Variants in CFAP70 observed in about 807,000 individuals in gnomAD.
The protein encoded by CFAP70 is cilia- and flagella-associated protein 70.
In CFAP70, 81 loss-of-function variants were observed where a neutral mutation model predicts 137.6. That is an observed-to-expected ratio of 0.59 (90% CI 0.49 to 0.71). The LOEUF (loss-of-function observed/expected upper bound fraction) is 0.71, where lower values mean the gene tolerates loss of function less well. CFAP70 is among the 30% of genes least tolerant of loss of function. The pLI is 0.00. For missense variants in CFAP70, 976 were observed against 1,226.7 expected, an observed-to-expected ratio of 0.80 and a Z score of 3.05; for synonymous variants, 382 against 423.6, an observed-to-expected ratio of 0.90 and a Z score of 1.20.
At chr10:73,356,433 A>C (rs2054685177) in intron 1 of CFAP70, among the ~76,000 whole-genome samples, 1 of 152,178 alleles carries the variant, frequency 6.6e-6, no homozygotes, top group African/African-American at 2.4e-5. Flanking sequence ...GCTAGGCTCA[A>C]GCAATCCACT....
chr10:73,308,160 G>C (rs777230789), intron 12 of CFAP70, among the ~76,000 whole-genome samples: 6 of 151,418 alleles, frequency 4.0e-5, no homozygotes, highest in Admixed American at 1.3e-4. Flanking sequence ...ATCTAAAAAA[G>C]AAAGAAAGAA....
chr10:73,270,098 C>CA (rs2046122493), intron 24 of CFAP70, among the ~76,000 whole-genome samples: 1 of 152,178 alleles, frequency 6.6e-6, no homozygotes, highest in Admixed American at 6.5e-5. Context: ...AGTGGGCTGT[C>CA]AGATACATTT....
At chr10:73,318,794 T>C (rs1314722879) in intron 9 of CFAP70, among the ~76,000 whole-genome samples, 3 of 152,238 alleles carry the variant, frequency 2.0e-5, no homozygotes, top group Admixed American at 1.3e-4. Context: ...ATAGAAAGGT[T>C]TGGATACATT....
intron 6 of CFAP70, among the ~76,000 whole-genome samples, chr10:73,336,896 C>A (rs1267483865): frequency 6.6e-6 from 1 of 151,898 alleles, no homozygotes; most frequent in Non-Finnish European, 1.5e-5. Context: ...ATTTTCTATG[C>A]CCTTGACAAA....
At chr10:73,263,804 A>G (rs1481075747) in intron 25 of CFAP70, among the ~76,000 whole-genome samples, 1 of 152,180 alleles carries the variant, frequency 6.6e-6, no homozygotes, top group Non-Finnish European at 1.5e-5. Flanking sequence ...TACTCCTTGA[A>G]CTTTTCAACC....
exon 19 of CFAP70, chr10:73,291,390 T>C: frequency 6.2e-7 from 1 of 1,614,200 alleles, no homozygotes; most frequent in East Asian, 2.2e-5. Flanking sequence ...TTTGGAGGCC[T>C]CATGAAATGC....
intron 9 of CFAP70, among the ~76,000 whole-genome samples, chr10:73,322,072 C>A (rs1395493840): frequency 6.6e-6 from 1 of 152,144 alleles, no homozygotes; most frequent in Non-Finnish European, 1.5e-5. Context: ...GTGTGAGCCA[C>A]CACACCCAGT....
chr10:73,263,323 C>T (rs981589200), intron 25 of CFAP70, among the ~76,000 whole-genome samples: 2 of 152,114 alleles, frequency 1.3e-5, no homozygotes, highest in Non-Finnish European at 2.9e-5. Flanking sequence ...TCTTAAATTC[C>T]AGGGCTCAAT....
intron 6 of CFAP70, among the ~76,000 whole-genome samples, 182 bp from the exon 8 acceptor site, chr10:73,335,706 A>C (rs929340120): frequency 6.6e-6 from 1 of 152,024 alleles, no homozygotes; most frequent in Non-Finnish European, 1.5e-5. Flanking sequence ...TTATTAATAA[A>C]GTATATAAGA....
chr10:73,296,756 T>A, intron 15 of CFAP70: 1 of 211,672 alleles, frequency 4.7e-6, no homozygotes, highest in East Asian at 1.1e-4. Context: ...ATTTCACAAT[T>A]TATGCAACAT....
intron 19 of CFAP70, among the ~76,000 whole-genome samples, chr10:73,281,499 A>G (rs1218287320): frequency 1.3e-5 from 2 of 151,934 alleles, no homozygotes; most frequent in Non-Finnish European, 2.9e-5. Flanking sequence ...TTTCCTATAT[A>G]TCTAGTGATG....
Position 73,348,152 on chromosome 10 carries a change from T to G in CFAP70, c.349+271A>C. The G allele has an allele frequency of 6.2e-7, 1 of 1,613,186 alleles. No individual in the cohort carries two copies. The highest frequency in any genetic ancestry group is 8.5e-7 in the Non-Finnish European group (1 of 1,179,082). On this transcript the variant is annotated intron_variant, in intron 4 of 26. Coordinates refer to ENST00000310715, the Ensembl canonical transcript of CFAP70. ...GAAATGTTGAGAGCTAAAACTCTGA[T>G]TACCTTAGCACTTGATCTAGGAGTT...
intron 9 of CFAP70, among the ~76,000 whole-genome samples, chr10:73,317,243 C>T (rs1472684438): frequency 2.0e-5 from 3 of 152,164 alleles, no homozygotes; most frequent in Admixed American, 2.0e-4. Context: ...GTCTCAAACT[C>T]CTGACCTTAG....
intron 14 of CFAP70, among the ~76,000 whole-genome samples, chr10:73,298,614 A>T (rs2048712717): frequency 6.6e-6 from 1 of 152,202 alleles, no homozygotes; most frequent in African/African-American, 2.4e-5. Context: ...TCAGTACCAG[A>T]CAGAGTTTCT....
At chr10:73,313,585 G>A (rs375052930) in intron 9 of CFAP70, among the ~76,000 whole-genome samples, 12 of 150,320 alleles carry the variant, frequency 8.0e-5, no homozygotes, top group East Asian at 7.8e-4. Flanking sequence ...GCTCACACCT[G>A]TAATCCCAGC....
intron 3 of CFAP70, among the ~76,000 whole-genome samples, chr10:73,351,328 C>T (rs2054251240): frequency 6.6e-6 from 1 of 151,754 alleles, no homozygotes; most frequent in Non-Finnish European, 1.5e-5. Context: ...CCGTGTTAGC[C>T]AGGATGGTCT....
intron 19 of CFAP70, among the ~76,000 whole-genome samples, chr10:73,282,228 G>A (rs187431945): frequency 2.6e-4 from 39 of 152,190 alleles, no homozygotes; most frequent in African/African-American, 7.0e-4. Context: ...AGCTATCGGG[G>A]TGGAGGGGCA....
At chr10:73,266,039 A>G (rs2045727283) in intron 25 of CFAP70, among the ~76,000 whole-genome samples, 1 of 152,160 alleles carries the variant, frequency 6.6e-6, no homozygotes, top group Non-Finnish European at 1.5e-5. Context: ...GCCCATGGAC[A>G]TGGTATATCT....
At chr10:73,281,348 A>T (rs948692170) in intron 19 of CFAP70, among the ~76,000 whole-genome samples, 3 of 139,994 alleles carry the variant, frequency 2.1e-5, no homozygotes, top group Non-Finnish European at 4.7e-5. Flanking sequence ...ACACCTGGCT[A>T]TTTTTTTTTT....
Sources: allele counts gnomAD v4.1 joint callset (sites outside exome capture counted in the v4.1 genomes callset), GRCh38; gene constraint gnomAD v4.1.1; transcripts MANE v1.5; gene names NCBI Gene and HGNC (gene_info 2026-07-23, HGNC 2026-07-21).